The following LRRC3B variants were observed in gnomAD, a reference collection of about 807,000 sequenced individuals.
The protein encoded by LRRC3B is leucine-rich repeat-containing protein 3B.
In LRRC3B, 2 loss-of-function variants were observed where a neutral mutation model predicts 12.8. The ratio of observed to expected loss-of-function variants is 0.16; its 90% CI spans 0.06 to 0.49. The LOEUF is 0.49. Among genes scored for constraint, LRRC3B ranks in the 20% least tolerant of loss-of-function variants. The pLI is 0.96. For synonymous variants in LRRC3B, 132 were observed against 122.0 expected (o/e 1.08, Z -0.54); for missense variants, 189 against 319.4 (o/e 0.59, Z 3.11).
intron 1 of LRRC3B, among the ~76,000 whole-genome samples, chr3:26,667,273 G>A (rs1699625671): frequency 6.6e-6 from 1 of 152,096 alleles, no homozygotes; most frequent in African/African-American, 2.4e-5. Flanking sequence ...GCATTATTAA[G>A]TTTGTTAAGG....
chr3:26,643,709 CT>C (rs752569064), intron 1 of LRRC3B, among the ~76,000 whole-genome samples: 7 of 152,286 alleles, frequency 4.6e-5, no homozygotes, highest in Non-Finnish European at 7.3e-5. Context: ...TCCTGAGCCC[CT>C]TTTCAATCTT....
At chr3:26,671,344 ATG>A (rs200981060) in intron 1 of LRRC3B, among the ~76,000 whole-genome samples, 1,908 of 74,330 alleles carry the variant, frequency 0.026, 108 homozygotes, top group East Asian at 0.059. Flanking sequence ...GTGTGTATAT[ATG>A]TGTGTATATA....
intron 1 of LRRC3B, among the ~76,000 whole-genome samples, chr3:26,646,553 C>G (rs1041608831): frequency 7.4e-6 from 1 of 135,152 alleles, no homozygotes; most frequent in Non-Finnish European, 1.5e-5. Flanking sequence ...GAGTGTAGAA[C>G]CAGTAAGCTG....
chr3:26,656,425 G>A (rs935193964), intron 1 of LRRC3B, among the ~76,000 whole-genome samples: 2 of 152,140 alleles, frequency 1.3e-5, no homozygotes, highest in South Asian at 4.1e-4. Flanking sequence ...CTCTATTATT[G>A]TGTATACATG....
intron 1 of LRRC3B, chr3:26,624,323 C>CCT (rs1396882356): frequency 6.6e-6 from 1 of 152,580 alleles, no homozygotes; most frequent in Non-Finnish European, 1.5e-5. Flanking sequence ...TCTCTGGCAC[C>CCT]CGCTTGCTTC....
chr3:26,630,093 G>C (rs925674805), intron 1 of LRRC3B, among the ~76,000 whole-genome samples: 11 of 151,102 alleles, frequency 7.3e-5, no homozygotes, highest in Non-Finnish European at 1.2e-4. Flanking sequence ...AATCCCATAA[G>C]AATAAGAGAA....
chr3:26,704,041 C>T (rs1700522927), intron 1 of LRRC3B, among the ~76,000 whole-genome samples: 2 of 151,972 alleles, frequency 1.3e-5, no homozygotes, highest in African/African-American at 4.8e-5. Flanking sequence ...TCCTCTTCTC[C>T]CCCTGACAGC....
chr3:26,684,590 C>G (rs140573695), intron 1 of LRRC3B, among the ~76,000 whole-genome samples: 7 of 152,284 alleles, frequency 4.6e-5, no homozygotes, highest in African/African-American at 1.7e-4. Context: ...TGCAAGGGCC[C>G]TCTTGCTGCA....
chr3:26,633,066 C>G (rs979351251), intron 1 of LRRC3B, among the ~76,000 whole-genome samples: 2 of 152,136 alleles, frequency 1.3e-5, no homozygotes, highest in Non-Finnish European at 2.9e-5. Context: ...CACCAAAAGA[C>G]TTGATGTTCC....
intron 1 of LRRC3B, among the ~76,000 whole-genome samples, chr3:26,683,317 C>CCAT (rs1700008399): frequency 6.6e-6 from 1 of 152,212 alleles, no homozygotes; most frequent in Admixed American, 6.5e-5. Flanking sequence ...AGTACCACAA[C>CCAT]CATCTGATCT....
intron 1 of LRRC3B, among the ~76,000 whole-genome samples, chr3:26,701,719 C>G (rs867131328): frequency 3.9e-5 from 6 of 152,216 alleles, no homozygotes; most frequent in Middle Eastern, 3.4e-3. Flanking sequence ...CCTCCCAACT[C>G]CAGGGGTCAT....
intron 1 of LRRC3B, among the ~76,000 whole-genome samples, chr3:26,634,346 G>A (rs190399868): frequency 3.3e-5 from 5 of 152,306 alleles, no homozygotes; most frequent in African/African-American, 7.2e-5. Flanking sequence ...ACCGCCCTAC[G>A]CATGGTTTAA....
rs146586777 is a variant in LRRC3B at position 26,646,380 on chromosome 3, T to A, written c.-161+23143T>A. Among the ~76,000 whole-genome samples, 212 of 151,424 alleles carry A rather than the reference T, an allele frequency of 1.4e-3. 3 individuals are homozygous for A. Among genetic ancestry groups the A allele is most frequent in the South Asian group, 8.3e-3 (40 of 4,792 alleles). ...GTATTCAAACTTGCTTGAAGGAGAG[T>A]CAGGGTAAAGAACTTATATTGCATT... On this transcript the variant is annotated intron_variant, in intron 1 of 1. Coordinates refer to ENST00000396641, the Ensembl canonical transcript of LRRC3B.
At chr3:26,699,604 ACACT>A (rs755683234) in intron 1 of LRRC3B, among the ~76,000 whole-genome samples, 29 of 152,160 alleles carry the variant, frequency 1.9e-4, no homozygotes, top group Non-Finnish European at 8.8e-5. Flanking sequence ...AAAAATTGTG[ACACT>A]CATCCTACTC....
intron 1 of LRRC3B, among the ~76,000 whole-genome samples, chr3:26,671,430 T>C (rs1699746073): frequency 2.0e-5 from 2 of 98,226 alleles, no homozygotes; most frequent in African/African-American, 7.0e-5. Flanking sequence ...TCTTGCTCTG[T>C]CGCCAGGCTG....
intron 1 of LRRC3B, among the ~76,000 whole-genome samples, chr3:26,703,547 G>A (rs1700510469): frequency 6.6e-6 from 1 of 152,038 alleles, no homozygotes. Flanking sequence ...TACAAGAAGG[G>A]CAGCCTACAT....
intron 1 of LRRC3B, among the ~76,000 whole-genome samples, chr3:26,675,701 A>G (rs193136031): frequency 6.9e-4 from 105 of 152,356 alleles, no homozygotes; most frequent in African/African-American, 2.5e-3. Flanking sequence ...GCAAACAGGT[A>G]TCAATTAAAT....
intron 1 of LRRC3B, among the ~76,000 whole-genome samples, chr3:26,701,584 T>C (rs13314030): frequency 0.018 from 2,706 of 152,194 alleles, 27 homozygotes; most frequent in African/African-American, 0.04. Flanking sequence ...ATTTGACCTA[T>C]AGGAAATAGT....
At chr3:26,644,788 T>C (rs1483317046) in intron 1 of LRRC3B, among the ~76,000 whole-genome samples, 1 of 152,206 alleles carries the variant, frequency 6.6e-6, no homozygotes, top group Non-Finnish European at 1.5e-5. Context: ...ACCATATTCC[T>C]GGTCTTAAGA....
Sources: allele counts gnomAD v4.1 joint callset (sites outside exome capture counted in the v4.1 genomes callset), GRCh38; gene constraint gnomAD v4.1.1; transcripts MANE v1.5; gene names NCBI Gene and HGNC (gene_info 2026-07-23, HGNC 2026-07-21).